The following ANKRD42 variants were observed in gnomAD, a reference collection of about 807,000 sequenced individuals.
ANKRD42 encodes ankyrin repeat domain 42, also known as ankyrin repeat domain-containing protein 42.
ANKRD42 carries 43 observed loss-of-function variants against 51.5 expected under a neutral mutation model. That is an observed-to-expected ratio of 0.83 (90% CI 0.65 to 1.08). ANKRD42 has a LOEUF of 1.08. Ranked by LOEUF, ANKRD42 falls within the 50% of genes least tolerant of loss-of-function variation. The pLI is 0.00. For synonymous variants in ANKRD42, 203 were observed against 213.0 expected (o/e 0.95, Z 0.41); for missense variants, 608 against 629.3 (o/e 0.97, Z 0.36).
Position 83,198,484 on chromosome 11 carries a change from A to T in ANKRD42, c.64A>T (p.Arg22Trp). ...SSRETANPCS[R>W]KKVHFGSIHD... ...GTAATTTGATTTTTCAATAGGTTCC[A>T]GGAAGAAGGTGCATTTTGGCAGCAT... Residue 22 changes from arginine to tryptophan, a missense_variant, in exon 2 of 11, where the codon AGG becomes TGG. By Grantham distance (101) the Arg-to-Trp change is moderately radical. Transcript: ENST00000533342. 3.7e-6 allele frequency: 6 copies of T among 1,611,472 alleles called. No homozygotes were observed. The highest frequency in any genetic ancestry group is 5.1e-6 in the Non-Finnish European group (6 of 1,178,610).
intron 11 of ANKRD42, among the ~76,000 whole-genome samples, chr11:83,254,655 A>G (rs770242007): frequency 6.6e-5 from 10 of 151,898 alleles, no homozygotes; most frequent in Non-Finnish European, 1.5e-4. Context: ...TCCTGACCTC[A>G]AGTGATCTGC....
chr11:83,254,020 G>C (rs1863719205), intron 11 of ANKRD42, among the ~76,000 whole-genome samples: 1 of 152,182 alleles, frequency 6.6e-6, no homozygotes, highest in Non-Finnish European at 1.5e-5. Flanking sequence ...CTGTGCCCAG[G>C]CTGGCATTCA....
intron 2 of ANKRD42, among the ~76,000 whole-genome samples, chr11:83,203,103 C>T (rs1024834753): frequency 5.3e-5 from 8 of 150,700 alleles, no homozygotes; most frequent in African/African-American, 2.0e-4. Context: ...GCAGCTCTCC[C>T]ACCTCAGCCT....
downstream of ANKRD42, chr11:83,261,485 A>C (rs1863922802): frequency 6.5e-6 from 1 of 152,922 alleles, no homozygotes; most frequent in Non-Finnish European, 1.5e-5. Context: ...ATTTTATAGA[A>C]AAATGTAATT....
At chr11:83,234,361 T>G (rs1359353780) in intron 7 of ANKRD42, among the ~76,000 whole-genome samples, 1 of 152,210 alleles carries the variant, frequency 6.6e-6, no homozygotes, top group Non-Finnish European at 1.5e-5. Context: ...AGGCATTCTT[T>G]TTAGTTATTT....
chr11:83,204,546 G>T (rs1450218805), intron 2 of ANKRD42, among the ~76,000 whole-genome samples: 1 of 152,026 alleles, frequency 6.6e-6, no homozygotes, highest in African/African-American at 2.4e-5. Context: ...CTATTTGGGA[G>T]ATGGGTTCAA....
downstream of ANKRD42, among the ~76,000 whole-genome samples, chr11:83,249,725 T>G (rs1467651646): frequency 6.6e-6 from 1 of 152,146 alleles, no homozygotes; most frequent in African/African-American, 2.4e-5. Flanking sequence ...TTTTGCATTC[T>G]TGCTTTAGGT....
At chr11:83,231,596 C>CT (rs1438732416) in intron 7 of ANKRD42, among the ~76,000 whole-genome samples, 1 of 152,120 alleles carries the variant, frequency 6.6e-6, no homozygotes, top group African/African-American at 2.4e-5. Flanking sequence ...GTTGCCTGTG[C>CT]TTGTAGGGTA....
intron 7 of ANKRD42, among the ~76,000 whole-genome samples, chr11:83,232,528 A>G (rs1590998483): frequency 1.3e-5 from 2 of 152,292 alleles, no homozygotes; most frequent in African/African-American, 4.8e-5. Flanking sequence ...ATAAGATTAT[A>G]TAATTTGTAA....
At chr11:83,200,781 C>T (rs974619655) in intron 2 of ANKRD42, among the ~76,000 whole-genome samples, 1 of 152,188 alleles carries the variant, frequency 6.6e-6, no homozygotes, top group African/African-American at 2.4e-5. Context: ...TCTAATATTA[C>T]TTGAGACCTT....
chr11:83,217,198 A>C (rs1026346958), intron 5 of ANKRD42, among the ~76,000 whole-genome samples: 1 of 152,244 alleles, frequency 6.6e-6, no homozygotes, highest in Admixed American at 6.5e-5. Context: ...GGAGGAGCCC[A>C]GGTATCTATT....
Position 83,224,969 on chromosome 11 carries a change from A to C in ANKRD42, c.701A>C (p.Asp234Ala), listed in dbSNP as rs754543450. The C allele has an allele frequency of 9.9e-6, 16 of 1,613,630 alleles. No homozygotes were observed. Among genetic ancestry groups the C allele is most frequent in the Non-Finnish European group, 1.4e-5 (16 of 1,179,742 alleles). Residue 234 changes from aspartate to alanine, a missense_variant, in exon 6 of 11, where the codon GAT becomes GCT. Coordinates refer to ENST00000533342, the MANE Select transcript of ANKRD42 (RefSeq NM_001300975.2). ...AFNDNGENVL[D>A]LAQRFFKQNI... is the part of the protein sequence containing the mutation. ...AATGATAATGGAGAAAATGTACTGG[A>C]TTTGGCCCAGAGGTTCTTCAAGCAG...
intron 1 of ANKRD42, among the ~76,000 whole-genome samples, chr11:83,196,598 C>A (rs1054278179): frequency 6.6e-6 from 1 of 152,220 alleles, no homozygotes; most frequent in African/African-American, 2.4e-5. Context: ...TTGAAGTCAT[C>A]TGTGCTTCCA....
chr11:83,245,771 G>C, intron 10 of ANKRD42, 147 bp downstream of exon 10: 1 of 911,776 alleles, frequency 1.1e-6, no homozygotes, highest in South Asian at 2.2e-5. Flanking sequence ...AGATGACAAA[G>C]GAGTTAAAAT....
chr11:83,210,579 C>G (rs1862275612), intron 4 of ANKRD42, among the ~76,000 whole-genome samples, 160 bp downstream of exon 4: 1 of 152,150 alleles, frequency 6.6e-6, no homozygotes, highest in Non-Finnish European at 1.5e-5. Context: ...AACATAGAAG[C>G]AATAATTCAG....
intron 8 of ANKRD42, among the ~76,000 whole-genome samples, chr11:83,239,782 A>G (rs1418437625): frequency 6.6e-6 from 1 of 152,226 alleles, no homozygotes; most frequent in Non-Finnish European, 1.5e-5. Context: ...TACTATGGGT[A>G]TATCTGAAGT....
chr11:83,233,869 G>T (rs955350209), intron 7 of ANKRD42, among the ~76,000 whole-genome samples: 1 of 152,178 alleles, frequency 6.6e-6, no homozygotes, highest in African/African-American at 2.4e-5. Context: ...TTTTAGTACA[G>T]ACAAGGTTTT....
intron 7 of ANKRD42, among the ~76,000 whole-genome samples, chr11:83,229,812 G>GAAA (rs1288044661): frequency 1.3e-5 from 2 of 152,088 alleles, no homozygotes; most frequent in Non-Finnish European, 2.9e-5. Context: ...GCAACAGCTG[G>GAAA]AAAAGAGCAT....
chr11:83,215,894 C>T (rs887008139), intron 5 of ANKRD42, among the ~76,000 whole-genome samples: 4 of 151,942 alleles, frequency 2.6e-5, no homozygotes, highest in Non-Finnish European at 5.9e-5. Flanking sequence ...CTCCTGGGTT[C>T]AAGAGATTCT....
Sources: gnomAD v4.1 joint callset for allele counts (sites outside exome capture counted in the v4.1 genomes callset) on GRCh38, gnomAD v4.1.1 for gene constraint, MANE v1.5 for transcripts, NCBI Gene and HGNC (gene_info 2026-07-23, HGNC 2026-07-21) for gene names.